Variants in TANC1 observed in about 807,000 individuals in gnomAD.
TANC1 encodes the protein tetratricopeptide repeat, ankyrin repeat and coiled-coil containing 1, also known as protein TANC1.
TANC1 carries 77 observed loss-of-function variants against 149.7 expected under a neutral mutation model. The observed-to-expected ratio is 0.51, with a 90% CI of 0.43 to 0.62. TANC1 has a LOEUF of 0.62. Among genes scored for constraint, TANC1 ranks in the 20% least tolerant of loss-of-function variants. The pLI, the probability that TANC1 is intolerant of heterozygous loss-of-function variation, is 0.00. For synonymous variants in TANC1, 854 were observed against 925.0 expected (o/e 0.92, Z 1.39); for missense variants, 1,985 against 2,321.8 (o/e 0.85, Z 2.98).
intron 2 of TANC1, among the ~76,000 whole-genome samples, chr2:159,032,917 G>C (rs963376937): frequency 6.6e-6 from 1 of 152,118 alleles, no homozygotes; most frequent in African/African-American, 2.4e-5. Flanking sequence ...TCTTTGATAG[G>C]CCTCCCCCTT....
At chr2:159,174,070 A>G (rs989675437) in intron 11 of TANC1, among the ~76,000 whole-genome samples, 6 of 152,258 alleles carry the variant, frequency 3.9e-5, no homozygotes, top group Admixed American at 2.0e-4. Context: ...GATACTCCCA[A>G]AAAACAGGTA....
chr2:158,991,203 C>T (rs1261636034), intron 1 of TANC1, among the ~76,000 whole-genome samples: 2 of 150,772 alleles, frequency 1.3e-5, no homozygotes, highest in Non-Finnish European at 2.9e-5. Flanking sequence ...ATGTAAATTT[C>T]CTGTTTTGAT....
chr2:159,136,959 C>A (rs1445107759), intron 5 of TANC1, among the ~76,000 whole-genome samples: 1 of 151,980 alleles, frequency 6.6e-6, no homozygotes. Context: ...CCTGTTTGTT[C>A]CTTTCTGGGG....
chr2:159,055,049 G>C (rs746710535), intron 2 of TANC1, among the ~76,000 whole-genome samples: 6 of 152,216 alleles, frequency 3.9e-5, no homozygotes, highest in Non-Finnish European at 7.3e-5. Context: ...GTGTAAGTTG[G>C]GGATTGTAGC....
At position 159,001,751 on chromosome 2, in the gene TANC1, C is replaced by T. The variant is rs1166655983; in HGVS notation, c.-16+562C>T. On this transcript the variant is annotated intron_variant, in intron 2 of 26. Transcript: ENST00000263635. This position sits in a 1 kb window ranked among gnomAD's most constrained non-coding sequence, Gnocchi z 4.3. Reference sequence around the variant, plus strand: ...GGTTTAACCAGATTAGGCAACTTGCCCAAGGTCATACATCCAGAAATGGTA... The same window carrying T: ...GGTTTAACCAGATTAGGCAACTTGCTCAAGGTCATACATCCAGAAATGGTA... Among the ~76,000 whole-genome samples, 2 of 152,108 alleles carry T rather than the reference C, an allele frequency of 1.3e-5. No individual in the cohort carries two copies. The highest frequency in any genetic ancestry group is 3.8e-4 in the East Asian group (2 of 5,198).
chr2:159,209,495 C>A (rs893993449), intron 19 of TANC1, among the ~76,000 whole-genome samples: 4 of 152,086 alleles, frequency 2.6e-5, no homozygotes, highest in Non-Finnish European at 5.9e-5. Context: ...CATTGCCTGG[C>A]CTTTTGGGGA....
chr2:159,210,861 A>G lies in TANC1; in HGVS notation c.3245-6636A>G, dbSNP rs552775764. ...GCTGGGATTACAGGCATGAGCCACC[A>G]TGCCTGATCTTTTAATTTTTTTTTT... is the stretch of plus-strand genomic sequence containing the variant. On this transcript the variant is annotated intron_variant, in intron 19 of 26. Coordinates refer to ENST00000263635, the MANE Select transcript of TANC1 (RefSeq NM_033394.3). Among the ~76,000 whole-genome samples, 8 of 136,466 alleles carry G rather than the reference A, an allele frequency of 5.9e-5. No homozygotes were observed. In the East Asian group the frequency reaches 6.8e-4, roughly 12 times the overall value. The allele number at this position is 136,466 out of a possible 152,430, so 89.5% of individuals were successfully genotyped here. A position where few individuals can be genotyped will look rare whatever the true frequency, so the allele number is the denominator to read the frequency against.
At chr2:159,121,815 A>C (rs752804151) in intron 4 of TANC1, among the ~76,000 whole-genome samples, 5 of 152,260 alleles carry the variant, frequency 3.3e-5, no homozygotes, top group Non-Finnish European at 7.3e-5. Context: ...GTCAATAGAA[A>C]GTCAAGAGTG....
intron 7 of TANC1, chr2:159,150,777 TA>T (rs11290702): frequency 0.46 from 164,990 of 360,990 alleles, 25,664 homozygotes; most frequent in African/African-American, 0.61. Context: ...GCTCATTTGT[TA>T]AAAAAAAAAA....
At chr2:159,020,761 A>C (rs1269314774) in intron 2 of TANC1, among the ~76,000 whole-genome samples, 1 of 152,220 alleles carries the variant, frequency 6.6e-6, no homozygotes, top group Non-Finnish European at 1.5e-5. Context: ...TAAGAGTCCA[A>C]GGTCATACAT....
At chr2:159,187,557 T>A (rs2057091128) in intron 16 of TANC1, among the ~76,000 whole-genome samples, 1 of 152,254 alleles carries the variant, frequency 6.6e-6, no homozygotes, top group South Asian at 2.1e-4. Flanking sequence ...GTCATGATGT[T>A]CCACTCAGCT....
At chr2:159,073,595 G>A (rs867589054) in intron 3 of TANC1, among the ~76,000 whole-genome samples, 1 of 152,116 alleles carries the variant, frequency 6.6e-6, no homozygotes, top group African/African-American at 2.4e-5. Context: ...GAGCAATTCC[G>A]AGTTCATTTT....
intron 2 of TANC1, among the ~76,000 whole-genome samples, chr2:159,047,373 A>AGTTTGCGT (rs1409726790): frequency 2.2e-4 from 34 of 152,092 alleles, no homozygotes; most frequent in Non-Finnish European, 2.8e-4. Context: ...TTTTATCTTA[A>AGTTTGCGT]TTTCCTAAAT....
rs969797437 is a variant in TANC1, at chr2:159,091,207, G to A, written c.62-6430G>A. 7.2e-5 allele frequency among the ~76,000 whole-genome samples: 11 copies of A among 152,288 alleles called. No homozygotes were observed. In the South Asian group the frequency reaches 2.3e-3, roughly 32 times the overall value. ...GTGGACTCTGGATCCCGCTGCCTGG[G>A]TTCAGACTCAGCTCTGATATATGCC... On this transcript the variant is annotated intron_variant, in intron 3 of 26. Transcript: ENST00000263635.
At chr2:159,065,111 A>C (rs1182151025) in intron 2 of TANC1, among the ~76,000 whole-genome samples, 1 of 152,210 alleles carries the variant, frequency 6.6e-6, no homozygotes, top group Non-Finnish European at 1.5e-5. Flanking sequence ...CTTCATGATG[A>C]AATAATGGTC....
intron 2 of TANC1, among the ~76,000 whole-genome samples, chr2:159,059,937 TGTTG>T (rs2042120511): frequency 7.1e-6 from 1 of 140,196 alleles, no homozygotes; most frequent in African/African-American, 2.6e-5. Flanking sequence ...TGTGGTTTTT[TGTTG>T]TTGTTGTTTT....
intron 7 of TANC1, among the ~76,000 whole-genome samples, chr2:159,156,748 T>G (rs1559361641): frequency 1.3e-5 from 2 of 152,266 alleles, no homozygotes; most frequent in East Asian, 1.9e-4. Context: ...CCAGTGTCTG[T>G]GCACAGGTTA....
chr2:159,110,124 CAA>C (rs1399326424), intron 4 of TANC1, among the ~76,000 whole-genome samples: 1 of 152,136 alleles, frequency 6.6e-6, no homozygotes, highest in Non-Finnish European at 1.5e-5. Flanking sequence ...GGGTTGAAGA[CAA>C]GAACAGAAAA....
At position 159,166,740 on chromosome 2, in the gene TANC1, A is replaced by G. The variant is rs921717900; in HGVS notation, c.947-2510A>G. On this transcript the variant is annotated intron_variant, in intron 8 of 26. Coordinates refer to ENST00000263635, the MANE Select transcript of TANC1 (RefSeq NM_033394.3). ...CAGAGGGTGGGGAGCACCTGGGCACATAGCTAAGCCACTGAAATCTTCCTG... is the reference window on the plus strand; with the variant it reads ...CAGAGGGTGGGGAGCACCTGGGCACGTAGCTAAGCCACTGAAATCTTCCTG... 1.2e-4 allele frequency among the ~76,000 whole-genome samples: 19 copies of G among 152,242 alleles called. 1 individual carries two copies. The highest frequency in any genetic ancestry group is 1.8e-4 in the Non-Finnish European group (12 of 68,038).
Sources: gnomAD v4.1 joint callset for allele counts (sites outside exome capture counted in the v4.1 genomes callset) on GRCh38, gnomAD v4.1.1 for gene constraint, Gnocchi (gnomAD v3.1) non-coding constraint, MANE v1.5 for transcripts, NCBI Gene and HGNC (gene_info 2026-07-23, HGNC 2026-07-21) for gene names.